ECHDC1: variants seen among roughly 807,000 people sequenced by gnomAD.
ECHDC1 encodes ethylmalonyl-CoA decarboxylase 1, also known as ethylmalonyl-CoA decarboxylase.
A neutral mutation model predicts 29.7 loss-of-function variants in ECHDC1; 29 were observed. The ratio of observed to expected loss-of-function variants is 0.98; its 90% CI spans 0.73 to 1.33. ECHDC1 has a LOEUF of 1.33. ECHDC1 is among the 40% of genes most tolerant of loss of function. ECHDC1 has a pLI of 0.00. For missense variants in ECHDC1, 328 were observed against 350.0 expected (o/e 0.94, Z 0.50); for synonymous variants, 126 against 123.1 (o/e 1.02, Z -0.15).
At chr6:127,327,615 A>G (rs1418203813) in intron 2 of ECHDC1, among the ~76,000 whole-genome samples, 3 of 152,156 alleles carry the variant, frequency 2.0e-5, no homozygotes, top group African/African-American at 7.2e-5. Flanking sequence ...CAATTCCTAT[A>G]CTACTGACAT....
chr6:127,310,477 G>A (rs1462340791), intron 5 of ECHDC1, among the ~76,000 whole-genome samples: 1 of 152,164 alleles, frequency 6.6e-6, no homozygotes, highest in Non-Finnish European at 1.5e-5. Context: ...TTCAATGGAG[G>A]AAGTAACTGC....
At chr6:127,322,489 C>A (rs1462595104) in intron 3 of ECHDC1, among the ~76,000 whole-genome samples, 6 of 152,066 alleles carry the variant, frequency 3.9e-5, no homozygotes, top group African/African-American at 1.4e-4. Flanking sequence ...TTACTTCAGG[C>A]ACTGAAAAGA....
At chr6:127,313,361 C>G in intron 5 of ECHDC1, 1 of 284,428 alleles carries the variant, frequency 3.5e-6, no homozygotes, top group South Asian at 3.3e-5. Context: ...TGCCACCACA[C>G]CTGGCTAATT....
chr6:127,328,765 G>A (rs919766931), intron 2 of ECHDC1, among the ~76,000 whole-genome samples: 2 of 152,150 alleles, frequency 1.3e-5, no homozygotes, highest in African/African-American at 2.4e-5. Context: ...AGTGGCTCAC[G>A]CCTGTAATCC....
chr6:127,296,900 G>C (rs1780645950), intron 5 of ECHDC1, among the ~76,000 whole-genome samples: 1 of 152,124 alleles, frequency 6.6e-6, no homozygotes, highest in East Asian at 1.9e-4. Flanking sequence ...AGTTACTCCG[G>C]AGGCTGAGGT....
intron 5 of ECHDC1, among the ~76,000 whole-genome samples, chr6:127,297,783 G>A (rs1780730659): frequency 6.6e-6 from 1 of 152,130 alleles, no homozygotes; most frequent in African/African-American, 2.4e-5. Context: ...TACACAAATA[G>A]CTACAGAGAT....
At chr6:127,340,074 A>G (rs1784792060) in intron 1 of ECHDC1, among the ~76,000 whole-genome samples, 1 of 152,224 alleles carries the variant, frequency 6.6e-6, no homozygotes, top group Non-Finnish European at 1.5e-5. Context: ...ATCACTAATA[A>G]AAATATTGAC....
At chr6:127,295,952 T>C (rs1780560445) in intron 5 of ECHDC1, among the ~76,000 whole-genome samples, 1 of 152,122 alleles carries the variant, frequency 6.6e-6, no homozygotes, top group Non-Finnish European at 1.5e-5. Context: ...AAACAAATAG[T>C]GTTGGGACAA....
chr6:127,326,779 T>A (rs566850242), intron 3 of ECHDC1: 54 of 482,960 alleles, frequency 1.1e-4, no homozygotes, highest in African/African-American at 1.0e-3. Context: ...TCAAAGCTTT[T>A]AACAAGAGCC....
intron 5 of ECHDC1, among the ~76,000 whole-genome samples, chr6:127,300,581 A>T (rs191780763): frequency 5.3e-5 from 8 of 152,344 alleles, no homozygotes; most frequent in Admixed American, 5.2e-4. Flanking sequence ...CTGCTGGAGG[A>T]GCCACATGGA....
intron 5 of ECHDC1, among the ~76,000 whole-genome samples, chr6:127,297,700 A>G (rs1780722844): frequency 6.6e-6 from 1 of 152,228 alleles, no homozygotes; most frequent in African/African-American, 2.4e-5. Flanking sequence ...ACAGACCTGC[A>G]GTTAAACAAA....
At chr6:127,298,885 T>A (rs1174465849) in intron 5 of ECHDC1, among the ~76,000 whole-genome samples, 1 of 152,064 alleles carries the variant, frequency 6.6e-6, no homozygotes, top group East Asian at 1.9e-4. Flanking sequence ...CTATATTTTT[T>A]TTTTTTTTGA....
chr6:127,323,703 G>C (rs1783044244), intron 3 of ECHDC1, among the ~76,000 whole-genome samples: 1 of 152,074 alleles, frequency 6.6e-6, no homozygotes. Context: ...CCTCACATGT[G>C]CAAATAATAA....
chr6:127,328,792 C>T (rs912507750), intron 2 of ECHDC1, among the ~76,000 whole-genome samples: 4 of 152,086 alleles, frequency 2.6e-5, no homozygotes, highest in Non-Finnish European at 4.4e-5. Flanking sequence ...TTTGGGAGGC[C>T]AAGGCGGGCA....
intron 5 of ECHDC1, among the ~76,000 whole-genome samples, chr6:127,309,480 AACACACACACACAC>A (rs58621326): frequency 0.06 from 8,224 of 138,140 alleles, 334 homozygotes; most frequent in East Asian, 0.16. Flanking sequence ...CAAACAACAA[AACACACACACACAC>A]ACACACACAC....
At chr6:127,294,022 G>C (rs1170051502) in intron 5 of ECHDC1, among the ~76,000 whole-genome samples, 1 of 152,152 alleles carries the variant, frequency 6.6e-6, no homozygotes, top group African/African-American at 2.4e-5. Flanking sequence ...ATACAGATAT[G>C]GTTGAAGCAG....
chr6:127,310,134 C>T (rs1260403533), intron 5 of ECHDC1, among the ~76,000 whole-genome samples: 2 of 151,204 alleles, frequency 1.3e-5, no homozygotes, highest in Admixed American at 1.3e-4. Flanking sequence ...TTAATGGGTA[C>T]AAAAAAATAG....
intron 1 of ECHDC1, among the ~76,000 whole-genome samples, chr6:127,336,431 C>T (rs1157503944): frequency 2.0e-5 from 3 of 152,126 alleles, no homozygotes; most frequent in Admixed American, 6.6e-5. Context: ...TTATATAGCT[C>T]CATTACCCAA....
chr6:127,297,696 C>G (rs1350451683), intron 5 of ECHDC1, among the ~76,000 whole-genome samples: 2 of 152,156 alleles, frequency 1.3e-5, no homozygotes, highest in Non-Finnish European at 2.9e-5. Context: ...TGAAACAGAC[C>G]TGCAGTTAAA....
Sources: allele counts gnomAD v4.1 joint callset (sites outside exome capture counted in the v4.1 genomes callset), GRCh38; gene constraint gnomAD v4.1.1; transcripts MANE v1.5; gene names NCBI Gene and HGNC (gene_info 2026-07-23, HGNC 2026-07-21).